ZNF638: variants seen among roughly 807,000 people sequenced by gnomAD.
ZNF638 encodes CTCL tumor antigen se33-1.
In ZNF638, 46 loss-of-function variants were observed where a neutral mutation model predicts 195.6. The observed-to-expected ratio is 0.24, with a 90% confidence interval of 0.19 to 0.30. ZNF638 has a LOEUF of 0.30. ZNF638 is among the 10% of genes least tolerant of loss of function. ZNF638 has a pLI of 1.00. For synonymous variants in ZNF638, 845 were observed against 772.0 expected (o/e 1.09, Z -1.57); for missense variants, 2,440 against 2,325.3 (o/e 1.05, Z -1.01).
At position 71,336,386 on chromosome 2, in the gene ZNF638, A is replaced by AAAAAAC. The variant is rs2078669819; in HGVS notation, c.-203+4516_-203+4517insCAAAAA. On this transcript the variant is annotated intron_variant, in intron 1 of 27. Coordinates refer to ENST00000264447, the MANE Select transcript of ZNF638 (RefSeq NM_014497.5). ...AATTCCATCTCCAAAAAAAAAAAAAAAAAAAAAAAAAAAACCAAAAAAACA... is the reference window on the plus strand; with the variant it reads ...AATTCCATCTCCAAAAAAAAAAAAAAAAAAACAAAAAAAAAAAAAACCAAAAAAACA... Among the ~76,000 whole-genome samples, 4 of 149,816 alleles carry AAAAAAC rather than the reference A, an allele frequency of 2.7e-5. No homozygotes were observed. In the South Asian group the frequency reaches 6.3e-4, roughly 23 times the overall value.
chr2:71,396,966 T>C (rs181939073), intron 11 of ZNF638, among the ~76,000 whole-genome samples: 3 of 152,044 alleles, frequency 2.0e-5, no homozygotes, highest in East Asian at 3.9e-4. Context: ...AACAAACAAA[T>C]AATCTTTCAT....
intron 20 of ZNF638, among the ~76,000 whole-genome samples, chr2:71,409,466 T>C (rs2080168942): frequency 6.6e-6 from 1 of 152,210 alleles, no homozygotes; most frequent in South Asian, 2.1e-4. Flanking sequence ...ATTTTTGGTA[T>C]CATGATTATG....
chr2:71,388,087 A>G (rs1469152817), intron 10 of ZNF638, among the ~76,000 whole-genome samples: 2 of 152,148 alleles, frequency 1.3e-5, no homozygotes, highest in African/African-American at 2.4e-5. Context: ...TCAGTTAACC[A>G]TGTTAGGTTT....
At chr2:71,353,315 A>T (rs1004731776) in intron 2 of ZNF638, among the ~76,000 whole-genome samples, 1 of 152,180 alleles carries the variant, frequency 6.6e-6, no homozygotes, top group Non-Finnish European at 1.5e-5. Context: ...TGTCATAATG[A>T]CTGAAATAAT....
intron 16 of ZNF638, among the ~76,000 whole-genome samples, chr2:71,403,496 AATTT>A (rs1289429643): frequency 6.6e-6 from 1 of 152,106 alleles, no homozygotes; most frequent in East Asian, 1.9e-4. Flanking sequence ...ATATTTTATC[AATTT>A]ATTTACTCAA....
chr2:71,378,284 ATAG>A (rs1429235754), intron 8 of ZNF638, among the ~76,000 whole-genome samples: 1 of 152,224 alleles, frequency 6.6e-6, no homozygotes, highest in Non-Finnish European at 1.5e-5. Context: ...ACATCGGAAC[ATAG>A]TAGTTTCAAA....
In ZNF638 at chr2:71,331,829, CTGTG is replaced by C; in HGVS notation, c.-246_-243del. The C allele has an allele frequency of 3.0e-6, 3 of 986,280 alleles. No homozygotes were observed. The highest frequency in any genetic ancestry group is 3.6e-6 in the Non-Finnish European group (3 of 830,262). The allele number at this position is 986,280 out of a possible 1,614,324, so 61.1% of individuals were successfully genotyped here. A position where few individuals can be genotyped will look rare whatever the true frequency, so the allele number is the denominator to read the frequency against. ...TCGAGACTGGAGGCTGAGTGCTAAA[CTGTG>C]TGGGGCGCGGATGGGATCCAGCTGT... is the stretch of plus-strand genomic sequence containing the variant. On this transcript the variant is annotated 5_prime_UTR_variant, in exon 1 of 28. Coordinates refer to ENST00000264447, the MANE Select transcript of ZNF638 (RefSeq NM_014497.5).
intron 1 of ZNF638, among the ~76,000 whole-genome samples, chr2:71,348,124 G>A (rs1364524213): frequency 2.6e-5 from 4 of 152,174 alleles, no homozygotes; most frequent in Non-Finnish European, 4.4e-5. Flanking sequence ...TATGTATTAT[G>A]TTCTATGTTA....
chr2:71,376,716 GT>G (rs1412348333), intron 8 of ZNF638, among the ~76,000 whole-genome samples: 1 of 27,504 alleles, frequency 3.6e-5, no homozygotes, highest in Non-Finnish European at 8.4e-5. Flanking sequence ...TACAGAAAAG[GT>G]AAAAAAAATC....
At chr2:71,380,685 C>T in intron 10 of ZNF638, 120 bp downstream of exon 10, 1 of 664,926 alleles carries the variant, frequency 1.5e-6, no homozygotes, top group East Asian at 3.0e-5. Context: ...AAATTACATT[C>T]TTTAATTGGC....
At chr2:71,388,515 A>G (rs1432723999) in intron 10 of ZNF638, 5 of 709,596 alleles carry the variant, frequency 7.0e-6, no homozygotes, top group Admixed American at 2.0e-5. Context: ...GCTCCAGCTT[A>G]TTGGGGCTGC....
rs751470622 is a variant in ZNF638 at position 71,424,711 on chromosome 2, A to G, written c.4586A>G (p.Lys1529Arg). Residue 1529 changes from lysine (K) to arginine (R), a missense_variant, in exon 23 of 28, where the codon AAA (lysine) becomes AGA (arginine). Around this residue, in one of 5 missense-constraint regions of ZNF638, gnomAD observed 1,883 missense variants for 1,739.1 expected, o/e 1.08. Coordinates refer to ENST00000264447, the MANE Select transcript of ZNF638 (RefSeq NM_014497.5). ...ACTACTGGTAGAAGTTCCAAATCTAAAGAGGTAAAAAATAGATCACAGACC... is the reference window on the plus strand; with the variant it reads ...ACTACTGGTAGAAGTTCCAAATCTAGAGAGGTAAAAAATAGATCACAGACC... ...KSTTGRSSKS[K>R]EEPLFPFNLD... 1 of 1,612,750 alleles carries G rather than the reference A, an allele frequency of 6.2e-7. No individual in the cohort carries two copies. The highest frequency in any genetic ancestry group is 8.5e-7 in the Non-Finnish European group (1 of 1,179,112).
chr2:71,366,042 G>A (rs2079193139), intron 6 of ZNF638, among the ~76,000 whole-genome samples: 1 of 152,132 alleles, frequency 6.6e-6, no homozygotes, highest in South Asian at 2.1e-4. Context: ...GCGTACATTT[G>A]CTATGACAAA....
At chr2:71,385,306 A>G (rs1234122449) in intron 10 of ZNF638, among the ~76,000 whole-genome samples, 1 of 152,208 alleles carries the variant, frequency 6.6e-6, no homozygotes, top group Non-Finnish European at 1.5e-5. Flanking sequence ...GAGAAATGAA[A>G]ACTTAGCTCA....
intron 1 of ZNF638, among the ~76,000 whole-genome samples, chr2:71,337,179 C>G (rs999042837): frequency 8.1e-6 from 1 of 123,618 alleles, no homozygotes; most frequent in Non-Finnish European, 1.7e-5. Context: ...AAGAAGATCA[C>G]ATAGTCCAAT....
chr2:71,402,409 A>G (rs553169885), intron 16 of ZNF638, among the ~76,000 whole-genome samples: 2 of 152,230 alleles, frequency 1.3e-5, no homozygotes, highest in East Asian at 3.9e-4. Context: ...GTTTAATAGT[A>G]GGAAATGTTT....
chr2:71,416,771 C>T (rs1401087767), intron 20 of ZNF638, among the ~76,000 whole-genome samples: 1 of 82,862 alleles, frequency 1.2e-5, no homozygotes, highest in Non-Finnish European at 2.3e-5. Context: ...CTGGGGGGTG[C>T]CTCCCAGTTA....
chr2:71,422,444 A>G (rs572754316), intron 21 of ZNF638, among the ~76,000 whole-genome samples: 3 of 152,304 alleles, frequency 2.0e-5, no homozygotes, highest in East Asian at 3.9e-4. Flanking sequence ...AACTGTACAC[A>G]TATTTTATTA....
chr2:71,425,135 C>CT lies in ZNF638; in HGVS notation c.4590+421dup, dbSNP rs140339899. Among the ~76,000 whole-genome samples, 1,452 of 152,208 alleles carry CT rather than the reference C, an allele frequency of 9.5e-3. 23 individuals carry two copies. The highest frequency in any genetic ancestry group is 0.033 in the African/African-American group (1,379 of 41,518). ...TAATTTAACCTTAAGTGGATGGTCT[C>CT]TAAGATTAACTTTACTGGTACCAAG... On this transcript the variant is annotated intron_variant, in intron 23 of 27. Coordinates refer to ENST00000264447, the MANE Select transcript of ZNF638 (RefSeq NM_014497.5).
Sources: allele counts gnomAD v4.1 joint callset (sites outside exome capture counted in the v4.1 genomes callset), GRCh38; gene constraint gnomAD v4.1.1; regional missense constraint gnomAD v4.1.1; transcripts MANE v1.5; gene names NCBI Gene and HGNC (gene_info 2026-07-23, HGNC 2026-07-21).